The following MYO3B variants were observed in gnomAD, a reference collection of about 807,000 sequenced individuals.
The protein encoded by MYO3B is myosin-IIIb.
Under a neutral mutation model 174.6 loss-of-function variants are expected in MYO3B, and 156 were observed. The observed-to-expected ratio is 0.89, with a 90% confidence interval of 0.78 to 1.02. The LOEUF is 1.02. Among genes scored for constraint, MYO3B ranks in the 50% least tolerant of loss-of-function variants. The probability of loss-of-function intolerance (pLI) is 0.00; values close to 1 mark genes in which losing one functional copy is unlikely to be tolerated. For synonymous variants in MYO3B, 563 were observed against 569.1 expected (o/e 0.99, Z 0.15); for missense variants, 1,632 against 1,639.4 (o/e 1.00, Z 0.08).
chr2:170,450,425 C>A (rs886723935), intron 23 of MYO3B, among the ~76,000 whole-genome samples: 2 of 152,168 alleles, frequency 1.3e-5, no homozygotes, highest in East Asian at 1.9e-4. Context: ...GTAAGTCATT[C>A]ATTTAGCCAA....
chr2:170,571,856 T>C (rs184624885), intron 32 of MYO3B, among the ~76,000 whole-genome samples: 1 of 152,316 alleles, frequency 6.6e-6, no homozygotes, highest in East Asian at 1.9e-4. Context: ...AGAAAAGTGA[T>C]GCCTTTTCAA....
intron 7 of MYO3B, among the ~76,000 whole-genome samples, chr2:170,292,204 A>G (rs2093601176): frequency 6.6e-6 from 1 of 152,024 alleles, no homozygotes; most frequent in Non-Finnish European, 1.5e-5. Context: ...CCATTCTGCT[A>G]TTGAGAGTCT....
chr2:170,493,065 G>A lies in MYO3B; in HGVS notation c.3015-5527G>A, dbSNP rs192648054. Among the ~76,000 whole-genome samples the A allele has an allele frequency of 3.4e-4, 51 of 152,196 alleles. 1 individual carries two copies. Among genetic ancestry groups the A allele is most frequent in the Middle Eastern group, 6.8e-3 (2 of 294 alleles). On this transcript the variant is annotated intron_variant, in intron 25 of 34. Transcript: ENST00000408978. ...CTGTTCAAGTTAAATCAGTTAAATC[G>A]GCCAAGAAATTAACCACCGTTGTTT...
chr2:170,314,445 T>TG (rs2093760404), intron 7 of MYO3B, among the ~76,000 whole-genome samples: 1 of 152,228 alleles, frequency 6.6e-6, no homozygotes, highest in African/African-American at 2.4e-5. Flanking sequence ...TGCCATGTGC[T>TG]GGCTCATCCC....
intron 32 of MYO3B, among the ~76,000 whole-genome samples, chr2:170,619,737 CTT>C (rs71412032): frequency 1.7e-3 from 87 of 50,760 alleles, no homozygotes; most frequent in African/African-American, 6.7e-3. Flanking sequence ...CTGCCATATT[CTT>C]TTTTTTTTTT....
chr2:170,428,587 A>G (rs2094683990), intron 22 of MYO3B, among the ~76,000 whole-genome samples: 1 of 152,238 alleles, frequency 6.6e-6, no homozygotes, highest in Admixed American at 6.5e-5. Flanking sequence ...TCTCTGATTT[A>G]TAGCTTAGGT....
chr2:170,463,391 G>A lies in MYO3B; in HGVS notation c.2754G>A (p.Arg918=), dbSNP rs977855395. 2 of 1,613,874 alleles carry A rather than the reference G, an allele frequency of 1.2e-6. No individual in the cohort carries two copies. The highest frequency in any genetic ancestry group is 1.7e-6 in the Non-Finnish European group (2 of 1,180,010). The change falls in exon 24 of 35, where the codon CGG becomes CGA. Residue 918 remains arginine (R), a synonymous_variant. Transcript: ENST00000408978. ...AGGTGGACACTCTGGAGGTGATACG[G>A]CATCCGGAAGAAACCACCAACATGA... The part of the protein sequence containing the change: ...KAKVDTLEVI[R]HPEETTNMKR...
intron 8 of MYO3B, among the ~76,000 whole-genome samples, chr2:170,366,463 A>T (rs1323099239): frequency 2.0e-5 from 3 of 151,402 alleles, no homozygotes; most frequent in African/African-American, 7.3e-5. Context: ...GCTAATTTTT[A>T]AATTATTTTT....
intron 32 of MYO3B, among the ~76,000 whole-genome samples, chr2:170,639,758 T>C (rs1697816678): frequency 6.6e-6 from 1 of 152,200 alleles, no homozygotes; most frequent in Non-Finnish European, 1.5e-5. Context: ...TTTGGCTTTG[T>C]CATTTCTTCA....
At chr2:170,615,949 GAAGTA>G (rs1469009227) in intron 32 of MYO3B, among the ~76,000 whole-genome samples, 1 of 151,446 alleles carries the variant, frequency 6.6e-6, no homozygotes. Flanking sequence ...TTTGTATGTA[GAAGTA>G]CAGTACATTT....
At chr2:170,648,890 ATATG>A (rs1559200340) in intron 32 of MYO3B, among the ~76,000 whole-genome samples, 1 of 83,446 alleles carries the variant, frequency 1.2e-5, no homozygotes, top group Non-Finnish European at 2.2e-5. Flanking sequence ...TATATATTAT[ATATG>A]AAATAGTATA....
chr2:170,212,721 C>G (rs1044997000), intron 3 of MYO3B, among the ~76,000 whole-genome samples: 13 of 152,310 alleles, frequency 8.5e-5, no homozygotes, highest in East Asian at 7.7e-4. Flanking sequence ...GGTCACCACA[C>G]GAGCTAAAGA....
At chr2:170,289,630 T>A (rs1021710299) in intron 7 of MYO3B, among the ~76,000 whole-genome samples, 1 of 152,048 alleles carries the variant, frequency 6.6e-6, no homozygotes, top group Non-Finnish European at 1.5e-5. Flanking sequence ...GTTTGTCAAT[T>A]TTTTTATCTT....
At chr2:170,487,140 C>T (rs75649290) in intron 25 of MYO3B, among the ~76,000 whole-genome samples, 1,742 of 152,268 alleles carry the variant, frequency 0.011, 52 homozygotes, top group East Asian at 0.09. Context: ...GTTTCAGAGA[C>T]CCTGCTAAGT....
intron 7 of MYO3B, among the ~76,000 whole-genome samples, chr2:170,254,750 G>T (rs1182097468): frequency 6.6e-6 from 1 of 152,202 alleles, no homozygotes; most frequent in Non-Finnish European, 1.5e-5. Flanking sequence ...AGAGAGGAGT[G>T]AGGCACAGGT....
At chr2:170,386,761 T>G (rs2094378512) in intron 13 of MYO3B, among the ~76,000 whole-genome samples, 1 of 152,218 alleles carries the variant, frequency 6.6e-6, no homozygotes, top group Non-Finnish European at 1.5e-5. Flanking sequence ...TATGGAATTT[T>G]TATAGATAAG....
intron 14 of MYO3B, among the ~76,000 whole-genome samples, chr2:170,389,575 G>C (rs145066709): frequency 1.3e-5 from 2 of 152,106 alleles, no homozygotes; most frequent in Non-Finnish European, 2.9e-5. Context: ...GATGGATGTC[G>C]GCAGGAAAAG....
intron 22 of MYO3B, among the ~76,000 whole-genome samples, chr2:170,442,551 C>T (rs955060852): frequency 4.8e-5 from 7 of 147,144 alleles, no homozygotes; most frequent in East Asian, 2.0e-4. Flanking sequence ...ATGTGCACAA[C>T]GTGCAGGTTT....
At chr2:170,604,273 A>G (rs1396605643) in intron 32 of MYO3B, among the ~76,000 whole-genome samples, 2 of 152,096 alleles carry the variant, frequency 1.3e-5, no homozygotes, top group African/African-American at 4.8e-5. Context: ...TTTTATTTTT[A>G]TTTTTGTTTT....
Sources: gnomAD v4.1 joint callset for allele counts (sites outside exome capture counted in the v4.1 genomes callset) on GRCh38, gnomAD v4.1.1 for gene constraint, MANE v1.5 for transcripts, NCBI Gene and HGNC (gene_info 2026-07-23, HGNC 2026-07-21) for gene names.